The following QKI variants were observed in gnomAD, a reference collection of about 807,000 sequenced individuals.
The protein encoded by QKI is KH domain-containing RNA-binding protein QKI.
Under a neutral mutation model 39.0 loss-of-function variants are expected in QKI, and 10 were observed. The observed-to-expected ratio is 0.26, with a 90% CI of 0.16 to 0.43. QKI has a LOEUF of 0.43. Ranked by LOEUF, QKI falls within the 20% of genes least tolerant of loss-of-function variation. The pLI is 1.00. For missense variants in QKI, 218 were observed against 428.0 expected, an observed-to-expected ratio of 0.51 and a Z score of 4.33; for synonymous variants, 204 against 155.4, an observed-to-expected ratio of 1.31 and a Z score of -2.33.
intron 3 of QKI, among the ~76,000 whole-genome samples, chr6:163,534,750 C>G (rs1271472132): frequency 6.6e-6 from 1 of 152,148 alleles, no homozygotes; most frequent in African/African-American, 2.4e-5. Context: ...GGTTCTGTGC[C>G]TGGTAGATAG....
chr6:163,559,646 G>A (rs1441670834), intron 4 of QKI, among the ~76,000 whole-genome samples: 1 of 152,164 alleles, frequency 6.6e-6, no homozygotes, highest in Admixed American at 6.5e-5. Flanking sequence ...AAAGTTGGCA[G>A]TAGCACATCA....
In QKI at chr6:163,546,960, G is replaced by A. The variant is rs147447517; in HGVS notation, c.546+11835G>A. Among the ~76,000 whole-genome samples the A allele has an allele frequency of 1.3e-3, 193 of 152,138 alleles. 3 individuals are homozygous for A. The East Asian group carries it at 0.031, about 24-fold the overall frequency. Reference sequence around the variant, plus strand: ...TGTGGAGAAAAACTTAATCTTTAATGTATAAATAAAATATAAGAGTATTTA... The same window carrying A: ...TGTGGAGAAAAACTTAATCTTTAATATATAAATAAAATATAAGAGTATTTA... On this transcript the variant is annotated intron_variant, in intron 4 of 7. Coordinates refer to ENST00000361752, the MANE Select transcript of QKI (RefSeq NM_006775.3).
At chr6:163,484,707 G>A (rs1583072069) in intron 3 of QKI, among the ~76,000 whole-genome samples, 2 of 152,154 alleles carry the variant, frequency 1.3e-5, no homozygotes, top group Non-Finnish European at 2.9e-5. Context: ...CACAGTACTT[G>A]TCACTTAAGT....
chr6:163,421,280 A>T (rs1008218460), intron 1 of QKI, among the ~76,000 whole-genome samples: 16 of 152,154 alleles, frequency 1.1e-4, no homozygotes, highest in African/African-American at 3.9e-4. Flanking sequence ...GTTGGGAAGG[A>T]GATTTAGGAA....
Position 163,572,670 on chromosome 6 carries a change from A to AGGGGGGGGG in QKI, c.*1960_*1961insGGGGGGGGG. 5.1e-5 allele frequency: 1 copy of AGGGGGGGGG among 19,654 alleles called. No homozygotes were observed. Among genetic ancestry groups the AGGGGGGGGG allele is most frequent in the Admixed American group, 8.9e-4 (1 of 1,118 alleles). The allele number at this position is 19,654 out of a possible 1,614,324, so 1.2% of individuals were successfully genotyped here. A position where few individuals can be genotyped will look rare whatever the true frequency, so the allele number is the denominator to read the frequency against. On this transcript the variant is annotated 3_prime_UTR_variant, in exon 8 of 8. Coordinates refer to ENST00000361752, the MANE Select transcript of QKI (RefSeq NM_006775.3). Reference sequence around the variant, plus strand: ...CGTGGCAAATCTCAAGTGACAGTGGACCCCCCCCCCCGCCCAGCTTATCAA... The same window carrying AGGGGGGGGG: ...CGTGGCAAATCTCAAGTGACAGTGGAGGGGGGGGGCCCCCCCCCCCGCCCAGCTTATCAA...
chr6:163,446,490 ATCT>A (rs924810747), intron 1 of QKI, among the ~76,000 whole-genome samples: 6 of 152,330 alleles, frequency 3.9e-5, no homozygotes, highest in Admixed American at 3.9e-4. Context: ...TTGCTGTTGC[ATCT>A]TCTTCGGATA....
At chr6:163,427,819 A>G (rs1202799231) in intron 1 of QKI, among the ~76,000 whole-genome samples, 1 of 152,162 alleles carries the variant, frequency 6.6e-6, no homozygotes, top group East Asian at 1.9e-4. Flanking sequence ...GTTTCAATTT[A>G]GTGAATTCTT....
intron 2 of QKI, among the ~76,000 whole-genome samples, chr6:163,462,825 A>G (rs1271342326): frequency 3.9e-5 from 6 of 152,182 alleles, no homozygotes; most frequent in South Asian, 2.1e-4. Context: ...AACTCAGGCA[A>G]TGGCAGTTGA....
rs1783787728 is a variant in QKI, at chr6:163,572,898, T to TA, written c.*2189dup. On this transcript the variant is annotated 3_prime_UTR_variant, in exon 8 of 8. Transcript: ENST00000361752. ...CACTGCTTTGTCTTTCTGTTACACA[T>TA]ACAGTTTTGATTTATTTACAATATA... The TA allele has an allele frequency of 6.6e-6, 1 of 152,168 alleles. No individual in the cohort carries two copies. Among genetic ancestry groups the TA allele is most frequent in the Non-Finnish European group, 1.5e-5 (1 of 68,032 alleles). 9.4% of individuals were successfully genotyped at this position (152,168 alleles called of 1,614,324 possible). A position where few individuals can be genotyped will look rare whatever the true frequency, so the allele number is the denominator to read the frequency against.
intron 6 of QKI, chr6:163,565,402 T>G: frequency 1.0e-6 from 1 of 985,992 alleles, no homozygotes; most frequent in Non-Finnish European, 1.2e-6. Flanking sequence ...TCTCCCTGAT[T>G]TTGCCACGTG....
chr6:163,488,986 T>TTTC (rs1354443834), intron 3 of QKI, among the ~76,000 whole-genome samples: 1 of 150,412 alleles, frequency 6.6e-6, no homozygotes, highest in Non-Finnish European at 1.5e-5. Context: ...TTTTTTTTTT[T>TTTC]TTTTAAACAT....
At chr6:163,465,358 G>A (rs1392519674) in intron 2 of QKI, among the ~76,000 whole-genome samples, 1 of 152,132 alleles carries the variant, frequency 6.6e-6, no homozygotes, top group Non-Finnish European at 1.5e-5. Context: ...GCCAGGAGTG[G>A]TGGCTCATGG....
intron 3 of QKI, among the ~76,000 whole-genome samples, chr6:163,518,066 G>A (rs1779939295): frequency 6.6e-6 from 1 of 152,144 alleles, no homozygotes; most frequent in Non-Finnish European, 1.5e-5. Flanking sequence ...TATTGTGAAG[G>A]AAAGTGGTAA....
intron 4 of QKI, among the ~76,000 whole-genome samples, chr6:163,555,855 C>A (rs1321316648): frequency 1.3e-5 from 2 of 152,012 alleles, no homozygotes; most frequent in African/African-American, 2.4e-5. Context: ...GTATATAGAT[C>A]TAAAAATACT....
intron 2 of QKI, among the ~76,000 whole-genome samples, chr6:163,461,110 C>G (rs1791317567): frequency 6.6e-6 from 1 of 152,116 alleles, no homozygotes; most frequent in South Asian, 2.1e-4. Context: ...ATAAGTTCAA[C>G]TAGATCGGTT....
At chr6:163,484,875 C>T (rs1322646823) in intron 3 of QKI, among the ~76,000 whole-genome samples, 1 of 152,012 alleles carries the variant, frequency 6.6e-6, no homozygotes, top group African/African-American at 2.4e-5. Context: ...CTTGGAGACA[C>T]GAATTGAGCA....
At chr6:163,443,928 A>G (rs1230234722) in intron 1 of QKI, among the ~76,000 whole-genome samples, 2 of 152,200 alleles carry the variant, frequency 1.3e-5, no homozygotes, top group African/African-American at 4.8e-5. Context: ...TGATTTACCA[A>G]ATTCCTTTTA....
chr6:163,469,360 T>A (rs1342136142), intron 2 of QKI, among the ~76,000 whole-genome samples: 1 of 152,174 alleles, frequency 6.6e-6, no homozygotes, highest in African/African-American at 2.4e-5. Context: ...AAAGTATCTC[T>A]GTTCATAATG....
chr6:163,441,165 C>A (rs1292072250), intron 1 of QKI, among the ~76,000 whole-genome samples: 1 of 151,938 alleles, frequency 6.6e-6, no homozygotes, highest in Admixed American at 6.6e-5. Flanking sequence ...ATTTAGATGC[C>A]TGTATATTTT....
Sources: gnomAD v4.1 joint callset for allele counts (sites outside exome capture counted in the v4.1 genomes callset) on GRCh38, gnomAD v4.1.1 for gene constraint, MANE v1.5 for transcripts, NCBI Gene and HGNC (gene_info 2026-07-23, HGNC 2026-07-21) for gene names.